Variants in LDLRAD4 observed in about 807,000 individuals in gnomAD.
LDLRAD4 encodes low-density lipoprotein receptor class A domain-containing protein 4.
In LDLRAD4, 5 loss-of-function variants were observed where a neutral mutation model predicts 17.0. The observed-to-expected ratio is 0.29, with a 90% confidence interval of 0.15 to 0.62. LDLRAD4 has a LOEUF of 0.62. LDLRAD4 is among the 20% of genes least tolerant of loss of function. LDLRAD4 has a pLI of 0.84. For synonymous variants in LDLRAD4, 168 were observed against 171.8 expected, an observed-to-expected ratio of 0.98 and a Z score of 0.17; for missense variants, 340 against 424.7, an observed-to-expected ratio of 0.80 and a Z score of 1.75.
intron 4 of LDLRAD4, among the ~76,000 whole-genome samples, chr18:13,636,644 C>T (rs1218153455): frequency 1.3e-5 from 2 of 151,420 alleles, no homozygotes; most frequent in Non-Finnish European, 2.9e-5. Context: ...TGTAGGCGTG[C>T]ACCACCGTGC....
intron 2 of LDLRAD4, among the ~76,000 whole-genome samples, chr18:13,429,149 G>A (rs1176261959): frequency 5.9e-5 from 9 of 152,146 alleles, no homozygotes; most frequent in Admixed American, 1.3e-4. Flanking sequence ...GGAAGGATGC[G>A]GTTCCCTGTG....
At chr18:13,594,857 A>G (rs2095075773) in intron 3 of LDLRAD4, among the ~76,000 whole-genome samples, 1 of 152,042 alleles carries the variant, frequency 6.6e-6, no homozygotes, top group Non-Finnish European at 1.5e-5. Context: ...CTGTAAAGCC[A>G]TCTTGGTCTG....
intron 5 of LDLRAD4, among the ~76,000 whole-genome samples, chr18:13,643,788 A>G (rs2042827437): frequency 1.3e-5 from 2 of 152,240 alleles, no homozygotes. Context: ...TTTGCCTTTA[A>G]GTTAAAAATA....
chr18:13,482,613 G>T (rs966428809), intron 3 of LDLRAD4, among the ~76,000 whole-genome samples: 3 of 152,228 alleles, frequency 2.0e-5, no homozygotes, highest in African/African-American at 7.2e-5. Flanking sequence ...GTCCCATGGG[G>T]ACTGCAGGGG....
chr18:13,580,459 G>C (rs923071454), intron 3 of LDLRAD4, among the ~76,000 whole-genome samples: 3 of 152,248 alleles, frequency 2.0e-5, no homozygotes, highest in Admixed American at 1.3e-4. Flanking sequence ...AGAGGGCCAG[G>C]GATGCATCAG....
chr18:13,517,433 C>T (rs2093884051), intron 3 of LDLRAD4, among the ~76,000 whole-genome samples: 1 of 152,188 alleles, frequency 6.6e-6, no homozygotes, highest in African/African-American at 2.4e-5. Flanking sequence ...AGAGGTAGCT[C>T]CGTTTTGGAA....
intron 3 of LDLRAD4, among the ~76,000 whole-genome samples, chr18:13,527,785 G>A (rs1342567704): frequency 6.6e-6 from 1 of 151,986 alleles, no homozygotes; most frequent in Non-Finnish European, 1.5e-5. Context: ...AGAAGGACCT[G>A]GGGACCTGCC....
At chr18:13,241,636 C>A (rs962324207) in intron 1 of LDLRAD4, 2 of 152,246 alleles carry the variant, frequency 1.3e-5, no homozygotes, top group Non-Finnish European at 2.9e-5. Context: ...CCAGGGTCAG[C>A]CTTCCAGCTC....
intron 3 of LDLRAD4, among the ~76,000 whole-genome samples, chr18:13,549,529 C>G (rs1453496796): frequency 6.6e-6 from 1 of 151,690 alleles, no homozygotes; most frequent in Non-Finnish European, 1.5e-5. Flanking sequence ...AATGGGAGAA[C>G]AGATCTATAA....
Position 13,457,463 on chromosome 18 carries a change from C to T in LDLRAD4, c.181+19079C>T, listed in dbSNP as rs555140581. ...GCTTCTTGATGTCAGCTTTCTTCCCCGCTGGTGGGGATGGGGCCTTCTCTG... is the reference window on the plus strand; with the variant it reads ...GCTTCTTGATGTCAGCTTTCTTCCCTGCTGGTGGGGATGGGGCCTTCTCTG... On this transcript the variant is annotated intron_variant, in intron 3 of 5. Transcript: ENST00000359446. Among the ~76,000 whole-genome samples the T allele has an allele frequency of 1.6e-4, 25 of 152,248 alleles. No homozygotes were observed. The East Asian group carries it at 3.9e-3, about 24-fold the overall frequency.
chr18:13,376,123 C>T (rs1020829123), intron 1 of LDLRAD4, among the ~76,000 whole-genome samples: 4 of 152,028 alleles, frequency 2.6e-5, no homozygotes, highest in Non-Finnish European at 4.4e-5. Flanking sequence ...CTGTCTGTTG[C>T]GGGAAAGCTG....
At chr18:13,576,806 G>A (rs890902685) in intron 3 of LDLRAD4, among the ~76,000 whole-genome samples, 1 of 152,234 alleles carries the variant, frequency 6.6e-6, no homozygotes, top group African/African-American at 2.4e-5. Context: ...AAGGTAGAGT[G>A]TTAGGATAGA....
At chr18:13,512,508 T>C (rs112403300) in intron 3 of LDLRAD4, among the ~76,000 whole-genome samples, 1 of 152,246 alleles carries the variant, frequency 6.6e-6, no homozygotes, top group African/African-American at 2.4e-5. Context: ...ACATATATTA[T>C]GTTCCTAATA....
chr18:13,546,680 T>C (rs1006331683), intron 3 of LDLRAD4, among the ~76,000 whole-genome samples: 1 of 152,128 alleles, frequency 6.6e-6, no homozygotes, highest in African/African-American at 2.4e-5. Flanking sequence ...AAGTAGTCCG[T>C]GTGTGCAGGG....
chr18:13,478,754 T>G (rs1018752130), intron 3 of LDLRAD4, among the ~76,000 whole-genome samples: 6 of 152,242 alleles, frequency 3.9e-5, no homozygotes, highest in African/African-American at 1.2e-4. Context: ...AGTGAGTTGT[T>G]TTTTGGATAC....
chr18:13,472,489 A>C (rs2092806474), intron 3 of LDLRAD4: 1 of 152,256 alleles, frequency 6.6e-6, no homozygotes, highest in South Asian at 2.1e-4. Flanking sequence ...TGCTCCGTGG[A>C]GCCTGCAGGA....
intron 2 of LDLRAD4, among the ~76,000 whole-genome samples, chr18:13,414,139 A>G (rs1217226939): frequency 2.0e-5 from 3 of 152,224 alleles, no homozygotes; most frequent in Non-Finnish European, 4.4e-5. Flanking sequence ...CCAGGCACAA[A>G]TGAAATCCAG....
intron 3 of LDLRAD4, among the ~76,000 whole-genome samples, chr18:13,531,265 G>A (rs1218669556): frequency 6.6e-6 from 1 of 152,152 alleles, no homozygotes; most frequent in Non-Finnish European, 1.5e-5. Flanking sequence ...GGAGACAGAT[G>A]TGTGACTGTC....
chr18:13,638,378 T>A (rs1008114009), intron 4 of LDLRAD4, among the ~76,000 whole-genome samples: 8 of 150,920 alleles, frequency 5.3e-5, no homozygotes, highest in African/African-American at 1.9e-4. Context: ...CTTACAGATG[T>A]ATACCTATGC....
Sources: gnomAD v4.1 joint callset for allele counts (sites outside exome capture counted in the v4.1 genomes callset) on GRCh38, gnomAD v4.1.1 for gene constraint, MANE v1.5 for transcripts, NCBI Gene and HGNC (gene_info 2026-07-23, HGNC 2026-07-21) for gene names.